The following IL1RAPL1 variants were observed in gnomAD, a reference collection of about 807,000 sequenced individuals.
The protein encoded by IL1RAPL1 is interleukin 1 receptor accessory protein like 1, also known as interleukin-1 receptor accessory protein-like 1.
IL1RAPL1 carries 3 observed loss-of-function variants against 48.4 expected under a neutral mutation model. The observed-to-expected ratio is 0.06, with a 90% CI of 0.03 to 0.16. The LOEUF is 0.16. Among genes scored for constraint, IL1RAPL1 ranks in the 10% least tolerant of loss-of-function variants. The pLI, the probability that IL1RAPL1 is intolerant of heterozygous loss-of-function variation, is 1.00. For missense variants in IL1RAPL1, 349 were observed against 530.6 expected (o/e 0.66, Z 3.36); for synonymous variants, 185 against 187.7 (o/e 0.99, Z 0.12).
chrX:28,835,682 A>G (rs1921186323), intron 2 of IL1RAPL1, among the ~76,000 whole-genome samples: 2 of 111,652 alleles, frequency 1.8e-5, no homozygotes, highest in South Asian at 3.7e-4. Flanking sequence ...CTGAAATGCA[A>G]TAAACCGCCA....
chrX:29,645,577 C>G (rs189888370), intron 5 of IL1RAPL1, among the ~76,000 whole-genome samples: 14,448 of 110,772 alleles, frequency 0.13, 958 homozygotes, highest in African/African-American at 0.25. Flanking sequence ...ACTTGGCACC[C>G]GAGAGGAGCC....
intron 3 of IL1RAPL1, among the ~76,000 whole-genome samples, chrX:29,284,554 C>T (rs1208808641): frequency 2.7e-5 from 3 of 111,267 alleles, no homozygotes; most frequent in Non-Finnish European, 5.7e-5. Context: ...ACCGGCCTGG[C>T]CAACATGGCA....
chrX:29,112,137 C>G (rs1928584183), intron 2 of IL1RAPL1, among the ~76,000 whole-genome samples: 1 of 109,989 alleles, frequency 9.1e-6, no homozygotes, highest in African/African-American at 3.3e-5. Context: ...ACCATGTTGG[C>G]CAGGCTGGTC....
rs1241170664 is a variant in IL1RAPL1, at chrX:29,130,251, G to A, written c.83-152687G>A. On this transcript the variant is annotated intron_variant, in intron 2 of 10. Transcript: ENST00000378993. ...TATACAAATGCTAACATATCACGAA[G>A]GGGAAAGTGTTCACTGTTTTGTATT... 4.5e-5 allele frequency among the ~76,000 whole-genome samples: 5 copies of A among 111,748 alleles called. No individual in the cohort carries two copies. In the South Asian group the frequency reaches 1.9e-3, roughly 42 times the overall value.
At chrX:29,191,819 C>G (rs1930357299) in intron 2 of IL1RAPL1, among the ~76,000 whole-genome samples, 1 of 111,707 alleles carries the variant, frequency 9.0e-6, no homozygotes, top group African/African-American at 3.3e-5. Flanking sequence ...CCGCCCTCAT[C>G]CCCAGGCATT....
intron 2 of IL1RAPL1, among the ~76,000 whole-genome samples, chrX:29,001,178 A>G (rs915489351): frequency 8.9e-6 from 1 of 112,262 alleles, no homozygotes; most frequent in Non-Finnish European, 1.9e-5. Context: ...AACCTATGAG[A>G]GAACAAATTC....
chrX:28,600,391 C>CAG (rs1156807930), intron 1 of IL1RAPL1, among the ~76,000 whole-genome samples: 1 of 107,218 alleles, frequency 9.3e-6, no homozygotes, highest in African/African-American at 3.4e-5. Flanking sequence ...CCTGGACTTC[C>CAG]AGAGAGAGAG....
intron 5 of IL1RAPL1, among the ~76,000 whole-genome samples, chrX:29,456,187 T>G (rs1259992705): frequency 8.9e-6 from 1 of 112,597 alleles, no homozygotes; most frequent in Non-Finnish European, 1.9e-5. Context: ...CTAAGTTGAA[T>G]TTCATTAAAA....
chrX:29,197,178 T>C, intron 2 of IL1RAPL1, among the ~76,000 whole-genome samples: 1 of 111,983 alleles, frequency 8.9e-6, no homozygotes, highest in Non-Finnish European at 1.9e-5. Context: ...AATTTACTTA[T>C]ATACAAGTTG....
intron 3 of IL1RAPL1, among the ~76,000 whole-genome samples, chrX:29,291,375 C>A (rs1932368004): frequency 1.8e-5 from 2 of 111,256 alleles, no homozygotes; most frequent in South Asian, 7.7e-4. Context: ...TTATTTTATT[C>A]TTTTCCCAAG....
intron 8 of IL1RAPL1, among the ~76,000 whole-genome samples, chrX:29,925,410 CTGT>C (rs1932878055): frequency 1.6e-4 from 1 of 6,077 alleles, no homozygotes; most frequent in African/African-American, 3.6e-4. Context: ...TGTCCCGTAA[CTGT>C]TTTTTTTTTT....
intron 2 of IL1RAPL1, among the ~76,000 whole-genome samples, chrX:28,808,918 T>C (rs890288498): frequency 1.8e-5 from 2 of 111,011 alleles, no homozygotes; most frequent in African/African-American, 6.5e-5. Context: ...TTACCCATTG[T>C]AAATTATTCT....
At chrX:29,613,413 C>T (rs4829242) in intron 5 of IL1RAPL1, among the ~76,000 whole-genome samples, 38,315 of 109,590 alleles carry the variant, frequency 0.35, 5,304 homozygotes, top group African/African-American at 0.49. Flanking sequence ...GCTCTTCCTC[C>T]GAGAGCTTCA....
chrX:28,896,738 C>A (rs1379577566), intron 2 of IL1RAPL1, among the ~76,000 whole-genome samples: 1 of 109,895 alleles, frequency 9.1e-6, no homozygotes, highest in African/African-American at 3.3e-5. Flanking sequence ...TAGAAAGACT[C>A]AGCAATGCTT....
At chrX:29,196,457 T>TA (rs1464787174) in intron 2 of IL1RAPL1, among the ~76,000 whole-genome samples, 1 of 112,293 alleles carries the variant, frequency 8.9e-6, no homozygotes, top group African/African-American at 3.2e-5. Flanking sequence ...TCAACACATC[T>TA]AGGCTTACCA....
chrX:29,112,470 CTT>C (rs61113350), intron 2 of IL1RAPL1, among the ~76,000 whole-genome samples: 10 of 92,190 alleles, frequency 1.1e-4, no homozygotes, highest in Non-Finnish European at 1.1e-4. Context: ...GATTTGATTT[CTT>C]TTTTTTTTTT....
intron 2 of IL1RAPL1, among the ~76,000 whole-genome samples, chrX:29,105,547 A>G (rs1230724311): frequency 8.9e-6 from 1 of 112,052 alleles, no homozygotes; most frequent in East Asian, 2.8e-4. Context: ...GATAAATACA[A>G]ATCTTTCTCC....
chrX:28,677,506 C>T (rs1208101839), intron 1 of IL1RAPL1, among the ~76,000 whole-genome samples: 1 of 111,963 alleles, frequency 8.9e-6, no homozygotes, highest in Non-Finnish European at 1.9e-5. Context: ...CACATTTTCT[C>T]TCTGATACCA....
At chrX:29,544,836 T>C (rs974146479) in intron 5 of IL1RAPL1, among the ~76,000 whole-genome samples, 1 of 109,408 alleles carries the variant, frequency 9.1e-6, no homozygotes, top group African/African-American at 3.3e-5. Context: ...CCCCAATACC[T>C]CAGAATGTGA....
Sources: allele counts gnomAD v4.1 joint callset (sites outside exome capture counted in the v4.1 genomes callset), GRCh38; gene constraint gnomAD v4.1.1; transcripts MANE v1.5; gene names NCBI Gene and HGNC (gene_info 2026-07-23, HGNC 2026-07-21).